Variants in AFF2 observed in about 807,000 individuals in gnomAD.
The protein encoded by AFF2 is ALF transcription elongation factor 2.
In AFF2, 14 loss-of-function variants were observed where a neutral mutation model predicts 76.9. The ratio of observed to expected loss-of-function variants is 0.18; its 90% CI spans 0.12 to 0.28. The LOEUF is 0.28. Among genes scored for constraint, AFF2 ranks in the 10% least tolerant of loss-of-function variants. The pLI, the probability that AFF2 is intolerant of heterozygous loss-of-function variation, is 1.00. For missense variants in AFF2, 868 were observed against 1,001.1 expected (o/e 0.87, Z 1.79); for synonymous variants, 398 against 366.7 (o/e 1.09, Z -0.98).
At chrX:148,685,918 C>T (rs1244673117) in intron 3 of AFF2, among the ~76,000 whole-genome samples, 3 of 109,827 alleles carry the variant, frequency 2.7e-5, no homozygotes, top group Non-Finnish European at 5.7e-5. Flanking sequence ...CTTTCTTTCT[C>T]TCTCTCTCTC....
At chrX:148,863,737 C>G (rs2070875524) in intron 7 of AFF2, among the ~76,000 whole-genome samples, 2 of 111,358 alleles carry the variant, frequency 1.8e-5, no homozygotes, top group Non-Finnish European at 3.8e-5. Context: ...TTAGTTGAGC[C>G]TTCTCTTGCT....
At chrX:148,709,508 A>G (rs1275700428) in intron 3 of AFF2, among the ~76,000 whole-genome samples, 2 of 112,466 alleles carry the variant, frequency 1.8e-5, no homozygotes, top group African/African-American at 6.5e-5. Flanking sequence ...CCTATCTCAT[A>G]GAGTTACAGT....
intron 19 of AFF2, among the ~76,000 whole-genome samples, chrX:148,981,090 A>G (rs1296582817): frequency 1.8e-5 from 2 of 112,167 alleles, no homozygotes; most frequent in Non-Finnish European, 3.8e-5. Context: ...CACTGCAGTG[A>G]TTTTTCAATG....
intron 1 of AFF2, among the ~76,000 whole-genome samples, chrX:148,550,799 C>A: frequency 9.0e-6 from 1 of 111,281 alleles, no homozygotes. Flanking sequence ...GATAAGATTA[C>A]AGGCTGCTTT....
At position 148,576,807 on chromosome X, in the gene AFF2, G is replaced by GT. The variant is rs141314076; in HGVS notation, c.48-75191dup. On this transcript the variant is annotated intron_variant, in intron 1 of 20. Transcript: ENST00000370460. ...TGTGTGTGTGTATGTGTGTGTGTGTGTGTGTGTGTGAGACAGAGAAAAACT... is the reference window on the plus strand; with the variant it reads ...TGTGTGTGTGTATGTGTGTGTGTGTGTTGTGTGTGTGAGACAGAGAAAAACT... Among the ~76,000 whole-genome samples, 4 of 110,580 alleles carry GT rather than the reference G, an allele frequency of 3.6e-5. No individual in the cohort carries two copies. The Admixed American group carries it at 3.9e-4, about 11-fold the overall frequency.
At chrX:148,746,896 A>G (rs782295883) in intron 3 of AFF2, among the ~76,000 whole-genome samples, 2 of 112,680 alleles carry the variant, frequency 1.8e-5, no homozygotes, top group Non-Finnish European at 3.8e-5. Context: ...AAGCATGGAA[A>G]TGCAAAATGA....
At chrX:148,594,357 A>G (rs1390248200) in intron 1 of AFF2, among the ~76,000 whole-genome samples, 1 of 112,274 alleles carries the variant, frequency 8.9e-6, no homozygotes, top group Admixed American at 9.5e-5. Context: ...CAGTTTACAG[A>G]AGTAACATCA....
rs782398462 is a variant in AFF2 at position 148,967,032 on chromosome X, C to T, written c.3156C>T (p.Ser1052=). Reference sequence around the variant, plus strand: ...CCTGGGCGGCTCTGCCCCTTCTATCCAGCAGCAGCACTAATGTCCGGAGAC... The same window carrying T: ...CCTGGGCGGCTCTGCCCCTTCTATCTAGCAGCAGCACTAATGTCCGGAGAC... ...MTSWAALPLL[S]SSSTNVRRPK... is the part of the protein sequence containing the mutation. The change falls in exon 14 of 21, where the codon TCC becomes TCT. Residue 1052 remains serine (S), a synonymous_variant. Transcript: ENST00000370460. 1 of 1,211,493 alleles carries T rather than the reference C, an allele frequency of 8.3e-7. No individual in the cohort carries two copies. Among genetic ancestry groups the T allele is most frequent in the South Asian group, 1.8e-5 (1 of 56,955 alleles).
At chrX:148,845,630 C>T (rs1378941604) in intron 7 of AFF2, among the ~76,000 whole-genome samples, 2 of 112,343 alleles carry the variant, frequency 1.8e-5, no homozygotes, top group African/African-American at 6.5e-5. Flanking sequence ...TAGCTTCCAA[C>T]TTATCGGCTT....
intron 7 of AFF2, among the ~76,000 whole-genome samples, chrX:148,880,897 A>G (rs1195183261): frequency 2.7e-5 from 3 of 111,692 alleles, no homozygotes; most frequent in African/African-American, 9.8e-5. Flanking sequence ...GATCATTCTC[A>G]CAATTAAAGG....
At chrX:148,617,287 C>G (rs868992817) in intron 1 of AFF2, among the ~76,000 whole-genome samples, 2 of 111,967 alleles carry the variant, frequency 1.8e-5, no homozygotes, top group East Asian at 5.7e-4. Flanking sequence ...GAGATGGTAT[C>G]TCATTGTGGT....
At chrX:148,607,771 G>GA (rs1244875866) in intron 1 of AFF2, among the ~76,000 whole-genome samples, 6 of 111,222 alleles carry the variant, frequency 5.4e-5, no homozygotes, top group East Asian at 2.9e-4. Flanking sequence ...TAATTATAAG[G>GA]AAAAAAATCT....
At chrX:148,610,329 T>G (rs193005661) in intron 1 of AFF2, among the ~76,000 whole-genome samples, 20 of 111,889 alleles carry the variant, frequency 1.8e-4, no homozygotes, top group African/African-American at 6.5e-4. Flanking sequence ...GTGGGATTCC[T>G]GACTCCTACT....
At chrX:148,965,576 A>G (rs2072162313) in intron 13 of AFF2, among the ~76,000 whole-genome samples, 1 of 111,501 alleles carries the variant, frequency 9.0e-6, no homozygotes, top group Non-Finnish European at 1.9e-5. Flanking sequence ...GGAGAAATTC[A>G]GCTTTGATGA....
intron 15 of AFF2, among the ~76,000 whole-genome samples, chrX:148,968,657 G>T (rs2072210553): frequency 8.9e-6 from 1 of 112,304 alleles, no homozygotes; most frequent in African/African-American, 3.2e-5. Flanking sequence ...AACATCAACT[G>T]TCCATGGTCC....
intron 9 of AFF2, among the ~76,000 whole-genome samples, chrX:148,942,758 G>A (rs1368035180): frequency 9.3e-6 from 1 of 107,829 alleles, no homozygotes; most frequent in African/African-American, 3.4e-5. Flanking sequence ...GGACGTTGCA[G>A]TGAGTCGTGA....
At chrX:148,553,353 A>G (rs782637581) in intron 1 of AFF2, among the ~76,000 whole-genome samples, 4 of 112,028 alleles carry the variant, frequency 3.6e-5, no homozygotes, top group Non-Finnish European at 7.5e-5. Context: ...TATATTTTCA[A>G]TCCAGTGTAT....
At chrX:148,764,596 CTGATT>C (rs2069489721) in intron 3 of AFF2, among the ~76,000 whole-genome samples, 1 of 112,257 alleles carries the variant, frequency 8.9e-6, no homozygotes, top group Admixed American at 9.4e-5. Context: ...TCTTGAGAAT[CTGATT>C]TAATTCTTAA....
chrX:148,552,482 C>T (rs113299376), intron 1 of AFF2, among the ~76,000 whole-genome samples: 1,668 of 111,903 alleles, frequency 0.015, 25 homozygotes, highest in African/African-American at 0.052. Context: ...GTTCTATCCA[C>T]CTGGGGAGGA....
Sources: allele counts gnomAD v4.1 joint callset (sites outside exome capture counted in the v4.1 genomes callset), GRCh38; gene constraint gnomAD v4.1.1; transcripts MANE v1.5; gene names NCBI Gene and HGNC (gene_info 2026-07-23, HGNC 2026-07-21).